Variants in PDE11A observed in about 807,000 individuals in gnomAD.
PDE11A encodes the protein phosphodiesterase 11A, also known as dual 3',5'-cyclic-AMP and -GMP phosphodiesterase 11A.
A neutral mutation model predicts 100.5 loss-of-function variants in PDE11A; 100 were observed. That is an observed-to-expected ratio of 1.00 (90% CI 0.85 to 1.18). PDE11A has a LOEUF of 1.18. Among genes scored for constraint, PDE11A ranks in the 50% most tolerant of loss-of-function variants. PDE11A has a pLI of 0.00. For missense variants in PDE11A, 1,141 were observed against 1,152.6 expected, an observed-to-expected ratio of 0.99 and a Z score of 0.15; for synonymous variants, 381 against 420.8, an observed-to-expected ratio of 0.91 and a Z score of 1.16.
At chr2:177,721,937 C>A (rs1386225352) in intron 12 of PDE11A, among the ~76,000 whole-genome samples, 3 of 152,066 alleles carry the variant, frequency 2.0e-5, no homozygotes, top group African/African-American at 7.2e-5. Context: ...CAACTTAACA[C>A]CCTTAGGTGC....
intron 10 of PDE11A, among the ~76,000 whole-genome samples, chr2:177,755,695 T>A (rs2082081741): frequency 6.6e-6 from 1 of 152,220 alleles, no homozygotes; most frequent in East Asian, 1.9e-4. Context: ...AAAATGTCCC[T>A]GATATTTTCC....
intron 2 of PDE11A, among the ~76,000 whole-genome samples, chr2:178,081,402 GA>G (rs1035661364): frequency 8.3e-4 from 127 of 152,132 alleles, no homozygotes; most frequent in African/African-American, 2.5e-3. Context: ...TAGAGAAAAA[GA>G]AAAAAATTGA....
intron 16 of PDE11A, chr2:177,676,008 C>T: frequency 3.8e-6 from 1 of 261,940 alleles, no homozygotes; most frequent in Non-Finnish European, 7.5e-6. Context: ...TTTTCATCTG[C>T]TCTACAGAGC....
At chr2:177,657,319 G>A (rs1182816694) in intron 19 of PDE11A, among the ~76,000 whole-genome samples, 3 of 152,226 alleles carry the variant, frequency 2.0e-5, no homozygotes, top group African/African-American at 7.2e-5. Context: ...TTTGAATGGT[G>A]ATGCCTGGGG....
At chr2:177,857,812 A>T (rs538852543) in intron 5 of PDE11A, among the ~76,000 whole-genome samples, 29 of 152,200 alleles carry the variant, frequency 1.9e-4, no homozygotes, top group Admixed American at 1.1e-3. Flanking sequence ...ATTCAAAGAC[A>T]TGACTGGGTT....
At chr2:177,801,833 T>C (rs1019622422) in intron 9 of PDE11A, among the ~76,000 whole-genome samples, 4 of 151,960 alleles carry the variant, frequency 2.6e-5, no homozygotes, top group African/African-American at 9.7e-5. Flanking sequence ...GCAATAAGCT[T>C]TAAATTAAAA....
rs1356376653 is a variant in PDE11A at position 177,840,373 on chromosome 2, T to C, written c.1378A>G (p.Ser460Gly). The part of the protein sequence containing the change: ...SADAENSFKE[S>G]MEKSSYSDWL... ...TCGGAGTATGATGATTTCTCCATGC[T>C]TTCTTTGAAACTATCAGAGCACCAA... is the stretch of plus-strand genomic sequence containing the variant. Residue 460 changes from serine to glycine, a missense_variant, in exon 6 of 20, where the codon AGC (serine) becomes GGC (glycine). Physicochemically the swap from Ser to Gly is moderately conservative, Grantham distance 56. Coordinates refer to ENST00000286063, the MANE Select transcript of PDE11A (RefSeq NM_016953.4). The C allele has an allele frequency of 1.9e-6, 3 of 1,613,814 alleles. No homozygotes were observed. Among genetic ancestry groups the C allele is most frequent in the South Asian group, 2.2e-5 (2 of 91,078 alleles).
At chr2:177,948,868 A>C (rs1016711009) in intron 2 of PDE11A, among the ~76,000 whole-genome samples, 2 of 152,184 alleles carry the variant, frequency 1.3e-5, no homozygotes, top group African/African-American at 4.8e-5. Flanking sequence ...TATGATTGCA[A>C]CATTGCATTC....
At chr2:177,897,253 T>C (rs1574261007) in intron 4 of PDE11A, among the ~76,000 whole-genome samples, 2 of 152,186 alleles carry the variant, frequency 1.3e-5, no homozygotes, top group African/African-American at 4.8e-5. Context: ...AGAATTTAGA[T>C]TGATGATGAT....
At chr2:177,816,276 C>CT (rs1472192340) in intron 9 of PDE11A, among the ~76,000 whole-genome samples, 2 of 152,082 alleles carry the variant, frequency 1.3e-5, no homozygotes, top group Non-Finnish European at 2.9e-5. Context: ...AAACAAGCGT[C>CT]TGAGATTCAG....
At chr2:178,105,591 T>A in intron 1 of PDE11A, 1 of 369,890 alleles carries the variant, frequency 2.7e-6, no homozygotes, top group Non-Finnish European at 4.9e-6. Context: ...TCTAAAATGA[T>A]GTAAAAATTA....
At chr2:177,647,857 T>C (rs892066936) in intron 19 of PDE11A, among the ~76,000 whole-genome samples, 13 of 152,194 alleles carry the variant, frequency 8.5e-5, no homozygotes, top group African/African-American at 2.9e-4. Context: ...CAGTAGCTCA[T>C]GCCTGATCTT....
Position 177,626,565 on chromosome 2 carries a change from C to A in PDE11A, c.*2842G>T. The A allele has an allele frequency of 6.5e-6, 1 of 152,750 alleles. No homozygotes were observed. Among genetic ancestry groups the A allele is most frequent in the Non-Finnish European group, 1.5e-5 (1 of 68,054 alleles). The allele number at this position is 152,750 out of a possible 1,614,324, so 9.5% of individuals were successfully genotyped here. A position where few individuals can be genotyped will look rare whatever the true frequency, so the allele number is the denominator to read the frequency against. On this transcript the variant is annotated 3_prime_UTR_variant, in exon 20 of 20. Transcript: ENST00000286063. ...CCCCACCTGAAGGAGGAGAGACAGC[C>A]CTGCAGAAGCTATTTTCCTTTATAG...
At chr2:177,833,112 A>T (rs574757716) in intron 6 of PDE11A, among the ~76,000 whole-genome samples, 1 of 152,170 alleles carries the variant, frequency 6.6e-6, no homozygotes, top group African/African-American at 2.4e-5. Context: ...GGAGGCAAGA[A>T]TTGAGGTTGC....
intron 13 of PDE11A, among the ~76,000 whole-genome samples, chr2:177,709,485 C>T (rs956675235): frequency 2.0e-5 from 3 of 151,970 alleles, no homozygotes; most frequent in African/African-American, 4.8e-5. Flanking sequence ...GAGGGAAAGA[C>T]TGAGGTTGAG....
chr2:177,998,556 T>C, intron 2 of PDE11A: 1 of 1,310,182 alleles, frequency 7.6e-7, no homozygotes, highest in Non-Finnish European at 1.1e-6. Flanking sequence ...ATCTTCATCT[T>C]CACAGAGGTC....
intron 13 of PDE11A, among the ~76,000 whole-genome samples, chr2:177,704,634 G>A (rs780610144): frequency 6.6e-6 from 1 of 152,076 alleles, no homozygotes; most frequent in African/African-American, 2.4e-5. Context: ...GTATTCTACA[G>A]AATACTAGTT....
intron 2 of PDE11A, among the ~76,000 whole-genome samples, chr2:177,908,621 G>A (rs1327836302): frequency 6.6e-6 from 1 of 152,168 alleles, no homozygotes; most frequent in Non-Finnish European, 1.5e-5. Context: ...GATAGGGGCT[G>A]TGGCAAAGCT....
intron 1 of PDE11A, among the ~76,000 whole-genome samples, chr2:178,060,367 A>C (rs186378688): frequency 1.5e-3 from 231 of 152,364 alleles, no homozygotes; most frequent in African/African-American, 5.4e-3. Flanking sequence ...AATTAGTCAT[A>C]AGCCCACACT....
Sources: gnomAD v4.1 joint callset for allele counts (sites outside exome capture counted in the v4.1 genomes callset) on GRCh38, gnomAD v4.1.1 for gene constraint, MANE v1.5 for transcripts, NCBI Gene and HGNC (gene_info 2026-07-23, HGNC 2026-07-21) for gene names.